The following NOL4L variants were observed in gnomAD, a reference collection of about 807,000 sequenced individuals.
NOL4L encodes nucleolar protein 4 like.
NOL4L carries 7 observed loss-of-function variants against 64.5 expected under a neutral mutation model. That is an observed-to-expected ratio of 0.11 (90% confidence interval 0.06 to 0.20). NOL4L has a LOEUF of 0.20. Ranked by LOEUF, NOL4L falls within the 10% of genes least tolerant of loss-of-function variation. The probability of loss-of-function intolerance (pLI) is 1.00; values close to 1 mark genes in which losing one functional copy is unlikely to be tolerated. For missense variants in NOL4L, 680 were observed against 967.1 expected (o/e 0.70, Z 3.94); for synonymous variants, 413 against 401.0 (o/e 1.03, Z -0.36).
intron 1 of NOL4L, among the ~76,000 whole-genome samples, chr20:32,556,006 T>G (rs1454702171): frequency 6.6e-6 from 1 of 152,150 alleles, no homozygotes; most frequent in Non-Finnish European, 1.5e-5. Context: ...TCTGTGATCA[T>G]TTGGTTAATG....
chr20:32,500,261 G>A (rs1007500285), intron 4 of NOL4L, among the ~76,000 whole-genome samples: 1 of 151,936 alleles, frequency 6.6e-6, no homozygotes, highest in Non-Finnish European at 1.5e-5. Context: ...GTTTGCCCAG[G>A]CTGGTCTTGA....
rs920149933 is a variant in NOL4L at position 32,445,037 on chromosome 20, G to A, written c.*2559C>T. On this transcript the variant is annotated 3_prime_UTR_variant, in exon 11 of 11. Coordinates refer to ENST00000621426, the MANE Select transcript of NOL4L (RefSeq NM_001256798.2). ...TGCTCCTGATTCTGCCATCTCTAGG[G>A]CTTCAGGTGTAGTTTCACTGGAAAG... is the stretch of plus-strand genomic sequence containing the variant. 2.6e-5 allele frequency: 4 copies of A among 152,380 alleles called. No homozygotes were observed. The highest frequency in any genetic ancestry group is 9.6e-5 in the African/African-American group (4 of 41,596). The allele number at this position is 152,380 out of a possible 1,614,324, so 9.4% of individuals were successfully genotyped here.
rs1294815435 is a variant in NOL4L at position 32,533,119 on chromosome 20, T to TAAAACA, written c.322-5212_322-5207dup. 2.6e-5 allele frequency among the ~76,000 whole-genome samples: 4 copies of TAAAACA among 152,056 alleles called. No homozygotes were observed. In the East Asian group the frequency reaches 5.8e-4, roughly 22 times the overall value. On this transcript the variant is annotated intron_variant, in intron 1 of 10. Coordinates refer to ENST00000621426, the MANE Select transcript of NOL4L (RefSeq NM_001256798.2). ...TGGGCAACACAGCAAGACCCATCTC[T>TAAAACA]AAAACAAAAACAAAAACAAAAAAAA...
rs1376305740 is a variant in NOL4L at position 32,456,162 on chromosome 20, C to T, written c.1075G>A (p.Gly359Arg). Residue 359 changes from glycine (G) to arginine (R), a missense_variant, in exon 6 of 11, where the codon GGG (glycine) becomes AGG (arginine). Physicochemically the swap from Gly to Arg is moderately radical, Grantham distance 125 (BLOSUM62 -2). This residue lies in a region of NOL4L where 254 missense variants were observed against 238.7 expected (regional missense o/e 1.06). Transcript: ENST00000621426. ...SYPSDGCGADGLRSRVKYGVK... is the reference protein window; with the variant it reads ...SYPSDGCGADRLRSRVKYGVK... ...CCGTATTTGACGCGGCTCCGCAGCCCGTCGGCACCGCAGCCATCCGAGGGG... is the reference window on the plus strand; with the variant it reads ...CCGTATTTGACGCGGCTCCGCAGCCTGTCGGCACCGCAGCCATCCGAGGGG... The T allele has an allele frequency of 8.2e-6, 13 of 1,577,200 alleles. 1 individual carries two copies. In the East Asian group the frequency reaches 1.6e-4, roughly 20 times the overall value.
chr20:32,497,934 G>GTA (rs765494496), intron 4 of NOL4L, among the ~76,000 whole-genome samples: 19 of 152,248 alleles, frequency 1.2e-4, no homozygotes, highest in Non-Finnish European at 4.4e-5. Flanking sequence ...CCTGCATGCA[G>GTA]TATTGCTGCT....
chr20:32,503,161 C>T (rs2016994044), intron 4 of NOL4L, among the ~76,000 whole-genome samples: 1 of 152,180 alleles, frequency 6.6e-6, no homozygotes, highest in Non-Finnish European at 1.5e-5. Context: ...GACAGTATTT[C>T]AGCTGCTTTT....
chr20:32,476,006 C>T (rs991285745), intron 4 of NOL4L, among the ~76,000 whole-genome samples: 2 of 152,088 alleles, frequency 1.3e-5, no homozygotes, highest in African/African-American at 2.4e-5. Context: ...TGGGCTGTGA[C>T]GCCTGTAGTC....
At position 32,557,254 on chromosome 20, in the gene NOL4L, C is replaced by G. The variant is rs541567230; in HGVS notation, c.321+27316G>C. Among the ~76,000 whole-genome samples the G allele has an allele frequency of 7.9e-5, 12 of 152,368 alleles. No individual in the cohort carries two copies. In the South Asian group the frequency reaches 2.5e-3, roughly 32 times the overall value. On this transcript the variant is annotated intron_variant, in intron 1 of 10. Coordinates refer to ENST00000621426, the MANE Select transcript of NOL4L (RefSeq NM_001256798.2). Reference sequence around the variant, plus strand: ...CGCTACCGTCCTGCCCTTGCAGTCCCATTGCCCCTGGAGTCCCATTGATTT... The same window carrying G: ...CGCTACCGTCCTGCCCTTGCAGTCCGATTGCCCCTGGAGTCCCATTGATTT...
intron 2 of NOL4L, among the ~76,000 whole-genome samples, 156 bp downstream of exon 2, chr20:32,527,602 T>C (rs1251834371): frequency 1.3e-5 from 2 of 152,130 alleles, no homozygotes; most frequent in Non-Finnish European, 2.9e-5. Flanking sequence ...CATCTCTGGC[T>C]GCCGTGCCCT....
Position 32,560,908 on chromosome 20 carries a change from C to T in NOL4L, c.321+23662G>A, listed in dbSNP as rs182478593. 3.4e-3 allele frequency among the ~76,000 whole-genome samples: 514 copies of T among 152,378 alleles called. 6 individuals are homozygous for T. The highest frequency in any genetic ancestry group is 8.9e-3 in the African/African-American group (371 of 41,600). The stretch of plus-strand genomic sequence containing the variant: ...GCCACAAGAACACTGGGCATTCTCA[C>T]GCAGTGCCTGCCGGAGGGGCCTCAT... On this transcript the variant is annotated intron_variant, in intron 1 of 10. Coordinates refer to ENST00000621426, the MANE Select transcript of NOL4L (RefSeq NM_001256798.2).
intron 3 of NOL4L, among the ~76,000 whole-genome samples, chr20:32,519,167 G>C (rs1018667069): frequency 1.3e-5 from 2 of 152,208 alleles, no homozygotes; most frequent in African/African-American, 4.8e-5. Context: ...GGATTAACTA[G>C]ATCCATTCCT....
intron 3 of NOL4L, among the ~76,000 whole-genome samples, chr20:32,515,135 C>A (rs144597693): frequency 1.3e-5 from 2 of 152,056 alleles, no homozygotes; most frequent in African/African-American, 4.8e-5. Context: ...CCTTGGGAGG[C>A]GTGAGAAGAG....
At chr20:32,452,598 T>C (rs922217959) in intron 9 of NOL4L, among the ~76,000 whole-genome samples, 161 bp from the exon 10 acceptor site, 1 of 152,146 alleles carries the variant, frequency 6.6e-6, no homozygotes, top group Admixed American at 6.5e-5. Flanking sequence ...CCCAGCCACC[T>C]TCCCCCCGGG....
rs1600604253 is a variant in NOL4L, at chr20:32,445,228, C to CAACA, written c.*2364_*2367dup. ...AGGCAGGCTGGAGGGTGGTCAGTTC[C>CAACA]AACAGCTTGAACTCAGAAAAACATG... On this transcript the variant is annotated 3_prime_UTR_variant, in exon 11 of 11. Transcript: ENST00000621426. The CAACA allele has an allele frequency of 1.3e-5, 2 of 152,234 alleles. No individual in the cohort carries two copies. The highest frequency in any genetic ancestry group is 3.8e-4 in the East Asian group (2 of 5,198). The allele number at this position is 152,234 out of a possible 1,614,324, so 9.4% of individuals were successfully genotyped here.
intron 1 of NOL4L, among the ~76,000 whole-genome samples, chr20:32,580,619 T>C (rs951894898): frequency 6.6e-6 from 1 of 152,154 alleles, no homozygotes; most frequent in Non-Finnish European, 1.5e-5. Context: ...AAGTTTCCCT[T>C]GGGGAATGGG....
chr20:32,496,558 T>TC, intron 4 of NOL4L, among the ~76,000 whole-genome samples: 1 of 141,232 alleles, frequency 7.1e-6, no homozygotes, highest in East Asian at 2.0e-4. Flanking sequence ...TCTTTCTTTC[T>TC]TTTTTTTTTT....
At chr20:32,484,062 G>A (rs1450878924) in intron 4 of NOL4L, among the ~76,000 whole-genome samples, 1 of 152,072 alleles carries the variant, frequency 6.6e-6, no homozygotes, top group Non-Finnish European at 1.5e-5. Context: ...GAGGGCACCC[G>A]GCGGGCTGTC....
chr20:32,536,058 CT>C (rs1245580732), intron 1 of NOL4L: 2 of 985,756 alleles, frequency 2.0e-6, no homozygotes, highest in Admixed American at 1.2e-4. Flanking sequence ...CAGTTTCCCC[CT>C]GTGTGAGCAG....
chr20:32,563,793 A>G (rs1979245958), intron 1 of NOL4L, among the ~76,000 whole-genome samples: 1 of 152,200 alleles, frequency 6.6e-6, no homozygotes, highest in South Asian at 2.1e-4. Flanking sequence ...CCCATGATGG[A>G]AAAGCCACGA....
Sources: gnomAD v4.1 joint callset for allele counts (sites outside exome capture counted in the v4.1 genomes callset) on GRCh38, gnomAD v4.1.1 for gene constraint, gnomAD v4.1.1 regional missense constraint, MANE v1.5 for transcripts, NCBI Gene and HGNC (gene_info 2026-07-23, HGNC 2026-07-21) for gene names.